The following RABGEF1 variants were observed in gnomAD, a reference collection of about 807,000 sequenced individuals.
RABGEF1 encodes RAB guanine nucleotide exchange factor 1, also known as rab5 GDP/GTP exchange factor.
RABGEF1 carries 26 observed loss-of-function variants against 57.3 expected under a neutral mutation model. The ratio of observed to expected loss-of-function variants is 0.45; its 90% CI spans 0.33 to 0.63. RABGEF1 has a LOEUF of 0.63. Ranked by LOEUF, RABGEF1 falls within the 20% of genes least tolerant of loss-of-function variation. The pLI is 0.02. For missense variants in RABGEF1, 464 were observed against 607.6 expected (o/e 0.76, Z 2.48); for synonymous variants, 185 against 210.7 (o/e 0.88, Z 1.06).
chr7:66,731,881 G>C (rs1000676192), intron 2 of RABGEF1, among the ~76,000 whole-genome samples: 9 of 152,210 alleles, frequency 5.9e-5, no homozygotes. Flanking sequence ...TGAAAGCAGA[G>C]CTGGGAGGAT....
chr7:66,808,301 C>T (rs1458680425), intron 8 of RABGEF1, among the ~76,000 whole-genome samples: 5 of 151,856 alleles, frequency 3.3e-5, no homozygotes, highest in East Asian at 1.9e-4. Context: ...CTGCAACCTC[C>T]GCCTCCCAGG....
rs1459357794 is a variant in RABGEF1, at chr7:66,772,067, G to A, written c.168G>A (p.Glu56=). Residue 56 remains glutamate, a synonymous_variant, in exon 2 of 9, where the codon GAG becomes GAA. Transcript: ENST00000284957. ...ARQKQIQEDW[E]LAERLQREEE... is the part of the protein sequence containing the mutation. ...AGAAGCAGATTCAGGAGGACTGGGA[G>A]CTGGCGGAGCGGTAAAAGGACTTAA... The A allele has an allele frequency of 6.5e-6, 10 of 1,543,690 alleles. No homozygotes were observed. Among genetic ancestry groups the A allele is most frequent in the Non-Finnish European group, 8.7e-6 (10 of 1,144,096 alleles).
intron 1 of RABGEF1, among the ~76,000 whole-genome samples, chr7:66,703,002 G>A (rs933462771): frequency 2.6e-5 from 4 of 151,940 alleles, no homozygotes; most frequent in Non-Finnish European, 4.4e-5. Flanking sequence ...AAGGAGTCTC[G>A]CTCTGTCGCC....
chr7:66,776,566 G>A (rs1231472746), intron 3 of RABGEF1, among the ~76,000 whole-genome samples: 3 of 152,158 alleles, frequency 2.0e-5, no homozygotes, highest in Non-Finnish European at 2.9e-5. Context: ...AGTGGCATGT[G>A]CCTGTAGTTC....
Position 66,683,197 on chromosome 7 carries a change from C to G in RABGEF1, c.-873+939C>G, listed in dbSNP as rs930244552. 2.0e-4 allele frequency among the ~76,000 whole-genome samples: 30 copies of G among 152,186 alleles called. No homozygotes were observed. In the East Asian group the frequency reaches 2.7e-3, roughly 14 times the overall value. On this transcript the variant is annotated intron_variant and NMD_transcript_variant, in intron 1 of 9. Coordinates refer to the RABGEF1 transcript ENST00000607882. ...CTCACAATGTTACCCAGGCAGGTGT[C>G]AAACTCCTGGCCTTAAGCGATCCTC...
the RABGEF1 span, among the ~76,000 whole-genome samples, chr7:66,670,509 C>T: frequency 6.6e-5 from 9 of 137,076 alleles, no homozygotes; most frequent in Non-Finnish European, 1.4e-4. Flanking sequence ...AAATAACACA[C>T]ACTGGCTGGA....
Position 66,743,882 on chromosome 7 carries a change from C to T in RABGEF1, c.-18+3090C>T, listed in dbSNP as rs576572177. On this transcript the variant is annotated intron_variant, in intron 1 of 8. Coordinates refer to ENST00000284957, the MANE Select transcript of RABGEF1 (RefSeq NM_014504.3). ...CTGGCCTCAAGTGATTCTCTAGCCT[C>T]GGCCTCCCAAAGTGTTGGGATTACA... 3.3e-5 allele frequency among the ~76,000 whole-genome samples: 5 copies of T among 152,178 alleles called. No individual in the cohort carries two copies. The South Asian group carries it at 8.3e-4, about 25-fold the overall frequency.
intron 1 of RABGEF1, among the ~76,000 whole-genome samples, chr7:66,749,808 A>G (rs1316093632): frequency 6.6e-6 from 1 of 152,096 alleles, no homozygotes; most frequent in African/African-American, 2.4e-5. Context: ...CGTCTCTACT[A>G]AAAATATTTT....
At chr7:66,723,366 C>A (rs1796255765) in intron 2 of RABGEF1, among the ~76,000 whole-genome samples, 2 of 152,128 alleles carry the variant, frequency 1.3e-5, no homozygotes, top group Non-Finnish European at 2.9e-5. Flanking sequence ...TGCGATTATC[C>A]TGGAGTTTAT....
chr7:66,729,283 A>C (rs1476925672), intron 2 of RABGEF1, among the ~76,000 whole-genome samples: 6 of 117,540 alleles, frequency 5.1e-5, no homozygotes, highest in Non-Finnish European at 7.3e-5. Context: ...CCTCGCCTTC[A>C]TCCTCCCCTC....
chr7:66,682,657 G>A (rs1191324303), intron 1 of RABGEF1, among the ~76,000 whole-genome samples: 2 of 152,156 alleles, frequency 1.3e-5, no homozygotes, highest in Admixed American at 6.5e-5. Context: ...GGACCTCCCC[G>A]GAACGCGCCG....
rs1810558569 is a variant in RABGEF1, at chr7:66,783,961, A to G, written c.513+120A>G. 22 of 968,012 alleles carry G rather than the reference A, an allele frequency of 2.3e-5. No homozygotes were observed. In the South Asian group the frequency reaches 5.1e-4, roughly 23 times the overall value. The allele number at this position is 968,012 out of a possible 1,614,324, so 60.0% of individuals were successfully genotyped here. On this transcript the variant is annotated intron_variant, in intron 4 of 8. Transcript: ENST00000284957. ...AAAAATCCAGACCAAGAGATGTTAA[A>G]TTACTTACCTAAGAAAAGCCTCTGA... is the stretch of plus-strand genomic sequence containing the variant.
At chr7:66,787,336 ATTTT>A (rs973607816) in intron 4 of RABGEF1, among the ~76,000 whole-genome samples, 38 of 88,114 alleles carry the variant, frequency 4.3e-4, no homozygotes, top group African/African-American at 1.6e-3. Context: ...GCCTGGCCTG[ATTTT>A]TTTTTTTTTT....
At chr7:66,748,936 TTA>T (rs1302474572) in intron 1 of RABGEF1, 1 of 233,694 alleles carries the variant, frequency 4.3e-6, no homozygotes, top group Non-Finnish European at 9.2e-6. Context: ...AAAAACTGTT[TTA>T]TGTCATAAGA....
At chr7:66,780,762 G>A (rs2129136329) in intron 3 of RABGEF1, among the ~76,000 whole-genome samples, 1 of 152,272 alleles carries the variant, frequency 6.6e-6, no homozygotes, top group South Asian at 2.1e-4. Context: ...ACTTCTCGAA[G>A]AATGAACCTC....
At position 66,783,861 on chromosome 7, in the gene RABGEF1, G is replaced by A. The variant is rs13310461; in HGVS notation, c.513+20G>A. 4.7e-5 allele frequency: 76 copies of A among 1,603,378 alleles called. No homozygotes were observed. The highest frequency in any genetic ancestry group is 1.7e-4 in the Middle Eastern group (1 of 6,058). On this transcript the variant is annotated intron_variant, in intron 4 of 8. Coordinates refer to ENST00000284957, the MANE Select transcript of RABGEF1 (RefSeq NM_014504.3). ...AAAAGGGTAGGTTGAGAATAACCAC[G>A]TAGAAACATAGAGTTTTGGTTTGAG... is the stretch of plus-strand genomic sequence containing the variant.
intron 1 of RABGEF1, among the ~76,000 whole-genome samples, chr7:66,744,235 T>G (rs1313863691): frequency 1.3e-5 from 2 of 151,700 alleles, no homozygotes. Flanking sequence ...TATTTTAATT[T>G]TTTCTGCTTA....
intron 1 of RABGEF1, among the ~76,000 whole-genome samples, chr7:66,753,713 T>TTG (rs1268763753): frequency 7.0e-5 from 10 of 143,646 alleles, no homozygotes; most frequent in Non-Finnish European, 1.4e-4. Context: ...TTTTTTTTTT[T>TTG]TTTTTTTTTT....
intron 1 of RABGEF1, among the ~76,000 whole-genome samples, chr7:66,771,064 G>C (rs1806991104): frequency 6.6e-6 from 1 of 152,066 alleles, no homozygotes; most frequent in Non-Finnish European, 1.5e-5. Flanking sequence ...TTGCAGATAA[G>C]TTCTCCCATT....
Sources: allele counts gnomAD v4.1 joint callset (sites outside exome capture counted in the v4.1 genomes callset), GRCh38; gene constraint gnomAD v4.1.1; transcripts MANE v1.5; gene names NCBI Gene and HGNC (gene_info 2026-07-23, HGNC 2026-07-21).